Variants in TTC33 observed in about 807,000 individuals in gnomAD.
The protein encoded by TTC33 is tetratricopeptide repeat protein 33.
A neutral mutation model predicts 29.4 loss-of-function variants in TTC33; 24 were observed. That is an observed-to-expected ratio of 0.82 (90% CI 0.59 to 1.15). The LOEUF is 1.15. Among genes scored for constraint, TTC33 ranks in the 50% most tolerant of loss-of-function variants. The pLI, the probability that TTC33 is intolerant of heterozygous loss-of-function variation, is 0.00. For missense variants in TTC33, 286 were observed against 310.4 expected (o/e 0.92, Z 0.59); for synonymous variants, 107 against 100.3 (o/e 1.07, Z -0.40).
chr5:40,729,431 C>G (rs1742371815), intron 3 of TTC33, among the ~76,000 whole-genome samples: 1 of 152,184 alleles, frequency 6.6e-6, no homozygotes, highest in African/African-American at 2.4e-5. Flanking sequence ...TTCAAGTGCT[C>G]AAAGGTTTTC....
chr5:40,728,946 C>T (rs569676359), intron 3 of TTC33, among the ~76,000 whole-genome samples: 276 of 152,196 alleles, frequency 1.8e-3, no homozygotes, highest in African/African-American at 6.5e-3. Flanking sequence ...GCATTTCAAA[C>T]CATACATACT....
At chr5:40,725,975 C>T (rs1057306684) in intron 4 of TTC33, among the ~76,000 whole-genome samples, 8 of 151,378 alleles carry the variant, frequency 5.3e-5, no homozygotes, top group East Asian at 3.9e-4. Context: ...TTAGTAGAGA[C>T]GGGGTTTCAC....
chr5:40,744,950 G>A (rs941642531), intron 2 of TTC33, among the ~76,000 whole-genome samples: 15 of 151,990 alleles, frequency 9.9e-5, no homozygotes, highest in African/African-American at 2.7e-4. Flanking sequence ...TGTTACCTAC[G>A]ACATATACTT....
intron 3 of TTC33, 142 bp from the exon 4 acceptor site, chr5:40,728,618 T>G: frequency 1.5e-6 from 1 of 689,654 alleles, no homozygotes; most frequent in East Asian, 3.0e-5. Context: ...TACTCTGCCA[T>G]TCAGGGTAAG....
chr5:40,734,194 C>G (rs945580011), intron 2 of TTC33, among the ~76,000 whole-genome samples: 6 of 152,160 alleles, frequency 3.9e-5, no homozygotes, highest in African/African-American at 1.4e-4. Flanking sequence ...CTTCTGTTGG[C>G]CTGCAAACAA....
At chr5:40,732,230 T>A (rs1241490447) in intron 2 of TTC33, among the ~76,000 whole-genome samples, 1 of 152,074 alleles carries the variant, frequency 6.6e-6, no homozygotes, top group Non-Finnish European at 1.5e-5. Context: ...TTGCTCAGGC[T>A]GGTCTCAAAC....
intron 4 of TTC33, among the ~76,000 whole-genome samples, chr5:40,727,044 T>C (rs139136409): frequency 5.9e-5 from 9 of 152,338 alleles, no homozygotes; most frequent in African/African-American, 1.9e-4. Flanking sequence ...TAACTTACTT[T>C]AATCAAATCA....
chr5:40,754,317 C>T (rs573008525), intron 1 of TTC33, among the ~76,000 whole-genome samples: 14 of 150,866 alleles, frequency 9.3e-5, no homozygotes, highest in Non-Finnish European at 1.8e-4. Flanking sequence ...ATACAGTCCT[C>T]TCAGACAAAA....
chr5:40,743,936 C>T (rs59585832), intron 2 of TTC33, among the ~76,000 whole-genome samples: 34,138 of 152,122 alleles, frequency 0.22, 4,314 homozygotes, highest in East Asian at 0.56. Context: ...TTTCGACATA[C>T]AGGCAGAAAA....
At chr5:40,719,673 C>T (rs947200388) in intron 4 of TTC33, among the ~76,000 whole-genome samples, 2 of 152,122 alleles carry the variant, frequency 1.3e-5, no homozygotes, top group Admixed American at 6.6e-5. Context: ...CAGCAATGGA[C>T]GAGGACTCCA....
chr5:40,742,959 G>A (rs10071679), intron 2 of TTC33, among the ~76,000 whole-genome samples: 48,478 of 151,994 alleles, frequency 0.32, 8,198 homozygotes, highest in East Asian at 0.56. Context: ...TTTACTGAGG[G>A]CCTAGTAAGT....
At chr5:40,717,364 G>A (rs1362379924) in intron 4 of TTC33, among the ~76,000 whole-genome samples, 1 of 152,102 alleles carries the variant, frequency 6.6e-6, no homozygotes, top group Non-Finnish European at 1.5e-5. Context: ...GGTATCAGCT[G>A]GGAATTGGCA....
At chr5:40,728,510 T>A in intron 3 of TTC33, 34 bp from the exon 4 acceptor site, 1 of 1,556,732 alleles carries the variant, frequency 6.4e-7, no homozygotes, top group Non-Finnish European at 8.7e-7. Flanking sequence ...AATCTGTCAG[T>A]AATATTCATA....
rs758980321 is a variant in TTC33 at position 40,730,361 on chromosome 5, A to G, written c.222-18T>C. The stretch of plus-strand genomic sequence containing the variant: ...CCCGATATCTGTGGTTGTTAAAGTT[A>G]TATCAATGCCATATTTTCAATATGC... On this transcript the variant is annotated intron_variant, in intron 2 of 4. Coordinates refer to ENST00000337702, the MANE Select transcript of TTC33 (RefSeq NM_012382.3). 4.4e-6 allele frequency: 7 copies of G among 1,596,766 alleles called. 1 individual carries two copies. The East Asian group carries it at 6.7e-5, about 15-fold the overall frequency.
At chr5:40,749,377 T>A (rs1742854151) in intron 1 of TTC33, among the ~76,000 whole-genome samples, 1 of 152,222 alleles carries the variant, frequency 6.6e-6, no homozygotes, top group Non-Finnish European at 1.5e-5. Flanking sequence ...GTTTAAGCTT[T>A]CATTCCATTC....
At chr5:40,746,276 G>C (rs1020177174) in intron 2 of TTC33, among the ~76,000 whole-genome samples, 25 of 152,150 alleles carry the variant, frequency 1.6e-4, no homozygotes, top group African/African-American at 5.5e-4. Flanking sequence ...GAACAACTTA[G>C]CTAAAGAAGG....
At chr5:40,748,604 A>G (rs1415410549) in intron 1 of TTC33, among the ~76,000 whole-genome samples, 1 of 152,224 alleles carries the variant, frequency 6.6e-6, no homozygotes, top group Non-Finnish European at 1.5e-5. Context: ...TAAAATTATA[A>G]GACATCTAGG....
chr5:40,725,211 T>C (rs1209738408), intron 4 of TTC33, among the ~76,000 whole-genome samples: 1 of 149,496 alleles, frequency 6.7e-6, no homozygotes, highest in Non-Finnish European at 1.5e-5. Context: ...TGGTCCAAAC[T>C]CCTGGCCTCA....
intron 2 of TTC33, among the ~76,000 whole-genome samples, chr5:40,738,307 G>A (rs1038552946): frequency 3.3e-5 from 5 of 151,686 alleles, no homozygotes; most frequent in African/African-American, 7.3e-5. Context: ...CCAGCTAGTC[G>A]GGAGTGCTGA....
Sources: gnomAD v4.1 joint callset for allele counts (sites outside exome capture counted in the v4.1 genomes callset) on GRCh38, gnomAD v4.1.1 for gene constraint, MANE v1.5 for transcripts, NCBI Gene and HGNC (gene_info 2026-07-23, HGNC 2026-07-21) for gene names.